XYLB: variants seen among roughly 807,000 people sequenced by gnomAD.
XYLB encodes the protein xylulose kinase.
Under a neutral mutation model 78.7 loss-of-function variants are expected in XYLB, and 62 were observed. That is an observed-to-expected ratio of 0.79 (90% CI 0.64 to 0.97). The LOEUF is 0.97. Among genes scored for constraint, XYLB ranks in the 50% least tolerant of loss-of-function variants. The probability of loss-of-function intolerance (pLI) is 0.00; values close to 1 mark genes in which losing one functional copy is unlikely to be tolerated. For synonymous variants in XYLB, 245 were observed against 247.4 expected (o/e 0.99, Z 0.09); for missense variants, 687 against 676.8 (o/e 1.02, Z -0.17).
chr3:38,384,165 C>T (rs1484258511), intron 15 of XYLB, among the ~76,000 whole-genome samples: 1 of 152,116 alleles, frequency 6.6e-6, no homozygotes, highest in Admixed American at 6.5e-5. Flanking sequence ...CTCCCGGGTT[C>T]AAGTGATCCT....
Position 38,365,746 on chromosome 3 carries a change from G to A in XYLB, c.507+10G>A. 6.2e-7 allele frequency: 1 copy of A among 1,608,626 alleles called. No homozygotes were observed. The highest frequency in any genetic ancestry group is 1.1e-5 in the South Asian group (1 of 90,558). On this transcript the variant is annotated intron_variant, in intron 6 of 18. Transcript: ENST00000207870. ...GTCCCGTGCCTATGAGGTAGGCTGA[G>A]GATGCGGGGGGTGCAGGGGGTGGTC...
At chr3:38,445,233 T>C in the XYLB span, among the ~76,000 whole-genome samples, 2 of 152,140 alleles carry the variant, frequency 1.3e-5, no homozygotes, top group Non-Finnish European at 2.9e-5. Flanking sequence ...AAGGATATAA[T>C]TTCTGAAGCT....
At position 38,376,161 on chromosome 3, in the gene XYLB, C is replaced by T; in HGVS notation, c.1049C>T (p.Ser350Phe). 3 of 1,614,142 alleles carry T rather than the reference C, an allele frequency of 1.9e-6. No homozygotes were observed. The South Asian group carries it at 3.3e-5, about 18-fold the overall frequency. ...ATGAGAGAGAAGATCCGCAACGAGT[C>T]TGTATCCCGTTCCTGGAGCGATTTC... The part of the protein sequence containing the change: ...SLMREKIRNE[S>F]VSRSWSDFSK... The change falls in exon 13 of 19, where the codon TCT becomes TTT. Residue 350 changes from serine to phenylalanine, a missense_variant. Coordinates refer to ENST00000207870, the MANE Select transcript of XYLB (RefSeq NM_005108.4).
In XYLB at chr3:38,413,219, C is replaced by T; in HGVS notation, c.*206C>T. On this transcript the variant is annotated 3_prime_UTR_variant, in exon 19 of 19. Coordinates refer to ENST00000207870, the MANE Select transcript of XYLB (RefSeq NM_005108.4). ...ACTCCTGTCCCTGTGCCCGTGTGCC[C>T]CAGGGCAGGAAAGCATCTCTCTTTT... The T allele has an allele frequency of 4.3e-6, 2 of 466,240 alleles. No homozygotes were observed. Among genetic ancestry groups the T allele is most frequent in the Non-Finnish European group, 3.7e-6 (1 of 271,006 alleles). 28.9% of individuals were successfully genotyped at this position (466,240 alleles called of 1,614,324 possible).
intron 14 of XYLB, among the ~76,000 whole-genome samples, chr3:38,377,752 T>G (rs1010554054): frequency 6.6e-6 from 1 of 152,188 alleles, no homozygotes; most frequent in Non-Finnish European, 1.5e-5. Context: ...CATTTACTTT[T>G]CAAAGCAATA....
intron 9 of XYLB, 193 bp from the exon 10 acceptor site, chr3:38,372,462 T>C (rs915744099): frequency 2.1e-5 from 21 of 985,462 alleles, no homozygotes; most frequent in Non-Finnish European, 2.5e-5. Context: ...TGGACTTCTC[T>C]GGCGATTTGT....
chr3:38,418,194 CAAA>C (rs56163697), downstream of XYLB, among the ~76,000 whole-genome samples: 1,949 of 106,772 alleles, frequency 0.018, 18 homozygotes, highest in African/African-American at 0.049. Flanking sequence ...GACTCTGTCT[CAAA>C]AAAAAAAAAA....
intron 15 of XYLB, among the ~76,000 whole-genome samples, chr3:38,384,749 G>A (rs1030744715): frequency 5.9e-5 from 9 of 152,060 alleles, no homozygotes; most frequent in African/African-American, 2.2e-4. Context: ...TGAATCATAC[G>A]GAATTGCCAA....
In XYLB at chr3:38,346,852, G is replaced by T; in HGVS notation, c.-17G>T. 1 of 1,511,178 alleles carries T rather than the reference G, an allele frequency of 6.6e-7. No homozygotes were observed. The highest frequency in any genetic ancestry group is 1.4e-5 in the African/African-American group (1 of 69,388). 93.6% of individuals were successfully genotyped at this position (1,511,178 alleles called of 1,614,324 possible). The stretch of plus-strand genomic sequence containing the variant: ...GGACGGACGGACTGACGGACGCGCA[G>T]CCTTACCCGAAAGGCCATGGCGGAG... On this transcript the variant is annotated 5_prime_UTR_variant, in exon 1 of 19. Transcript: ENST00000207870.
chr3:38,374,217 C>T (rs978460563), intron 10 of XYLB, among the ~76,000 whole-genome samples: 1 of 152,042 alleles, frequency 6.6e-6, no homozygotes, highest in East Asian at 1.9e-4. Flanking sequence ...TGTTTGGACC[C>T]CTTCAGGGAA....
intron 11 of XYLB, 124 bp from the exon 12 acceptor site, chr3:38,375,020 A>C (rs372458925): frequency 1.3e-6 from 1 of 754,676 alleles, no homozygotes. Context: ...GTGGCCTTGC[A>C]TCTGAGGTCT....
In XYLB at chr3:38,365,111, G is replaced by C. The variant is rs1706177294; in HGVS notation, c.292-88G>C. Reference sequence around the variant, plus strand: ...GGGCAGGTGTGGAGCCCAGTTCTTTGGCATGTGGTCTGGGGTCTTTCTGTG... The same window carrying C: ...GGGCAGGTGTGGAGCCCAGTTCTTTCGCATGTGGTCTGGGGTCTTTCTGTG... On this transcript the variant is annotated intron_variant, in intron 4 of 18. Coordinates refer to ENST00000207870, the MANE Select transcript of XYLB (RefSeq NM_005108.4). 9 of 1,198,304 alleles carry C rather than the reference G, an allele frequency of 7.5e-6. No individual in the cohort carries two copies. In the Admixed American group the frequency reaches 1.6e-4, roughly 21 times the overall value. The allele number at this position is 1,198,304 out of a possible 1,614,324, so 74.2% of individuals were successfully genotyped here.
At chr3:38,360,442 C>T in intron 3 of XYLB, 34 bp downstream of exon 3, 3 of 1,531,122 alleles carry the variant, frequency 2.0e-6, no homozygotes, top group Non-Finnish European at 1.8e-6. Context: ...CCTTCTATCC[C>T]CAGGCTGTCT....
chr3:38,394,654 T>C (rs1381505028), intron 15 of XYLB, among the ~76,000 whole-genome samples: 1 of 152,248 alleles, frequency 6.6e-6, no homozygotes, highest in East Asian at 1.9e-4. Context: ...ATTTAGCAGC[T>C]TAAAACAGTA....
intron 17 of XYLB, among the ~76,000 whole-genome samples, chr3:38,398,093 C>T (rs1385698812): frequency 1.3e-5 from 2 of 151,768 alleles, no homozygotes; most frequent in Non-Finnish European, 2.9e-5. Flanking sequence ...ACTGGGATTA[C>T]AGGCGTGAGC....
chr3:38,397,237 A>C (rs1559610397), intron 17 of XYLB, 78 bp downstream of exon 17: 1 of 1,339,940 alleles, frequency 7.5e-7, no homozygotes, highest in Admixed American at 1.7e-5. Flanking sequence ...GAAAGGGGAG[A>C]GTGAGGTGTA....
At chr3:38,411,450 C>T (rs1708581466) in intron 18 of XYLB, among the ~76,000 whole-genome samples, 1 of 151,848 alleles carries the variant, frequency 6.6e-6, no homozygotes, top group African/African-American at 2.4e-5. Context: ...TTAATGAGTG[C>T]AGCACACCAG....
At chr3:38,434,414 A>T in the XYLB span, among the ~76,000 whole-genome samples, 1 of 145,546 alleles carries the variant, frequency 6.9e-6, no homozygotes, top group African/African-American at 2.8e-5. Context: ...TAATTGGATG[A>T]TATATTCAAA....
At chr3:38,366,734 A>T in intron 6 of XYLB, 74 bp from the exon 7 acceptor site, 2 of 1,067,814 alleles carry the variant, frequency 1.9e-6, no homozygotes, top group Non-Finnish European at 2.9e-6. Context: ...ATGCTACATT[A>T]AACTCACTTT....
Sources: gnomAD v4.1 joint callset for allele counts (sites outside exome capture counted in the v4.1 genomes callset) on GRCh38, gnomAD v4.1.1 for gene constraint, MANE v1.5 for transcripts, NCBI Gene and HGNC (gene_info 2026-07-23, HGNC 2026-07-21) for gene names.